CNTNAP3: variants seen among roughly 807,000 people sequenced by gnomAD.
CNTNAP3 encodes contactin-associated protein-like 3.
CNTNAP3 carries 36 observed loss-of-function variants against 92.1 expected under a neutral mutation model. The ratio of observed to expected loss-of-function variants is 0.39; its 90% CI spans 0.30 to 0.52. CNTNAP3 has a LOEUF of 0.52. Ranked by LOEUF, CNTNAP3 falls within the 20% of genes least tolerant of loss-of-function variation. The pLI is 0.76. For missense variants in CNTNAP3, 534 were observed against 1,069.6 expected, an observed-to-expected ratio of 0.50 and a Z score of 6.98; for synonymous variants, 232 against 422.3, an observed-to-expected ratio of 0.55 and a Z score of 5.53.
At chr9:39,088,232 C>T (rs544328472) in intron 19 of CNTNAP3, among the ~76,000 whole-genome samples, 191 bp downstream of exon 19, 1 of 149,972 alleles carries the variant, frequency 6.7e-6, no homozygotes, top group African/African-American at 2.4e-5. Context: ...GGGAGAAAAG[C>T]ATCTTAATTT....
At chr9:39,137,227 A>G (rs1266505560) in intron 12 of CNTNAP3, among the ~76,000 whole-genome samples, 2 of 151,152 alleles carry the variant, frequency 1.3e-5, no homozygotes, top group East Asian at 1.9e-4. Flanking sequence ...CAGTTTTGCA[A>G]GTTTCTATTG....
At chr9:39,100,375 G>T (rs575427150) in intron 17 of CNTNAP3, among the ~76,000 whole-genome samples, 1 of 152,256 alleles carries the variant, frequency 6.6e-6, no homozygotes, top group African/African-American at 2.4e-5. Context: ...GGTGAGTCTG[G>T]CAAATAGTCC....
At chr9:39,127,259 C>A (rs929608724) in intron 13 of CNTNAP3, among the ~76,000 whole-genome samples, 2 of 151,912 alleles carry the variant, frequency 1.3e-5, no homozygotes, top group African/African-American at 2.4e-5. Flanking sequence ...TACAACATAT[C>A]AAAATATGTG....
At position 39,068,886 on chromosome 9, in the gene CNTNAP3, T is replaced by C. The variant is rs1157915360; in HGVS notation, c.*5004A>G. 1.3e-5 allele frequency among the ~76,000 whole-genome samples: 2 copies of C among 152,414 alleles called. No homozygotes were observed. Among genetic ancestry groups the C allele is most frequent in the African/African-American group, 2.4e-5 (1 of 41,596 alleles). Reference sequence around the variant, plus strand: ...CTCATGTCCAGTGTACTGAAAACCATAGTTTCATATATTTTGTCTGGTTTG... The same window carrying C: ...CTCATGTCCAGTGTACTGAAAACCACAGTTTCATATATTTTGTCTGGTTTG... On this transcript the variant is annotated 3_prime_UTR_variant, in exon 24 of 24. Transcript: ENST00000297668.
intron 9 of CNTNAP3, among the ~76,000 whole-genome samples, chr9:39,151,958 T>G (rs1226003889): frequency 1.3e-5 from 2 of 150,418 alleles, no homozygotes; most frequent in Non-Finnish European, 3.0e-5. Context: ...TCTCCAAAGA[T>G]TATAGTAAAT....
chr9:39,168,249 C>A (rs1434461596), intron 8 of CNTNAP3, among the ~76,000 whole-genome samples: 12 of 149,814 alleles, frequency 8.0e-5, no homozygotes, highest in Admixed American at 8.0e-4. Context: ...AATCTCCTGA[C>A]CTCGTGATCT....
chr9:39,125,883 A>G (rs1285332414), intron 13 of CNTNAP3, among the ~76,000 whole-genome samples: 1 of 152,170 alleles, frequency 6.6e-6, no homozygotes, highest in Non-Finnish European at 1.5e-5. Context: ...CATTATTACC[A>G]CTGGAGACTT....
At chr9:39,205,022 C>G (rs1433502342) in intron 3 of CNTNAP3, among the ~76,000 whole-genome samples, 1 of 78,478 alleles carries the variant, frequency 1.3e-5, no homozygotes, top group Non-Finnish European at 2.1e-5. Flanking sequence ...TGTTTTTGAG[C>G]ACTTCCCACA....
intron 9 of CNTNAP3, among the ~76,000 whole-genome samples, chr9:39,162,107 A>G (rs1822088566): frequency 9.7e-6 from 1 of 102,782 alleles, no homozygotes; most frequent in South Asian, 3.2e-4. Context: ...ACAAAGGTCT[A>G]ATGTCTGGAA....
intron 22 of CNTNAP3, 107 bp from the exon 23 acceptor site, chr9:39,078,563 C>CA (rs768716108): frequency 6.4e-7 from 1 of 1,554,724 alleles, no homozygotes; most frequent in Non-Finnish European, 8.7e-7. Context: ...AAGAACATCA[C>CA]AAAAATGTAT....
rs564767279 is a variant in CNTNAP3 at position 39,135,985 on chromosome 9, C to T, written c.1877-2850G>A. On this transcript the variant is annotated intron_variant, in intron 12 of 23. Transcript: ENST00000297668. The stretch of plus-strand genomic sequence containing the variant: ...TCTACTAAAAATACAAAAAATTAGC[C>T]GGGCGTGGTGGCACGTGCCTGTAGT... Among the ~76,000 whole-genome samples, 51 of 151,806 alleles carry T rather than the reference C, an allele frequency of 3.4e-4. 1 individual carries two copies. The South Asian group carries it at 7.3e-3, about 22-fold the overall frequency.
intron 18 of CNTNAP3, among the ~76,000 whole-genome samples, chr9:39,093,788 T>C (rs1412180934): frequency 6.6e-6 from 1 of 151,714 alleles, no homozygotes; most frequent in East Asian, 1.9e-4. Flanking sequence ...ACTTGTATTA[T>C]TTCCACTATT....
At chr9:39,086,123 T>A (rs1192026684) in intron 20 of CNTNAP3, 1 of 481,760 alleles carries the variant, frequency 2.1e-6, no homozygotes, top group South Asian at 2.2e-5. Flanking sequence ...GAATTGGTTG[T>A]TTTAAACTTA....
At chr9:39,089,236 A>T (rs1283584869) in intron 18 of CNTNAP3, among the ~76,000 whole-genome samples, 1 of 152,128 alleles carries the variant, frequency 6.6e-6, no homozygotes, top group Non-Finnish European at 1.5e-5. Context: ...AGCCTAGGCA[A>T]CTACTAATTT....
chr9:39,100,976 C>G (rs567364819), intron 17 of CNTNAP3, among the ~76,000 whole-genome samples: 22 of 150,880 alleles, frequency 1.5e-4, no homozygotes, highest in Non-Finnish European at 3.1e-4. Flanking sequence ...TATCAATCAG[C>G]TTTGTGGGTG....
chr9:39,150,041 A>C (rs1231347295), intron 9 of CNTNAP3, 64 bp from the exon 10 acceptor site: 6 of 1,278,440 alleles, frequency 4.7e-6, no homozygotes, highest in Non-Finnish European at 6.4e-6. Context: ...CACAGTATTT[A>C]CTATATGAAG....
intron 13 of CNTNAP3, among the ~76,000 whole-genome samples, chr9:39,131,671 C>G (rs1349895030): frequency 6.6e-6 from 1 of 152,152 alleles, no homozygotes; most frequent in Non-Finnish European, 1.5e-5. Flanking sequence ...ACTAAAAATA[C>G]AAAAATTAGC....
chr9:39,081,961 C>T, intron 21 of CNTNAP3, among the ~76,000 whole-genome samples: 1 of 151,694 alleles, frequency 6.6e-6, no homozygotes, highest in Non-Finnish European at 1.5e-5. Context: ...GTGGTGGGTG[C>T]CTGTAGTCTC....
rs190162126 is a variant in CNTNAP3, at chr9:39,133,035, G to A, written c.1977C>T (p.Tyr659=). 5.2e-3 allele frequency: 8,023 copies of A among 1,547,346 alleles called. 39 individuals carry two copies. The highest frequency in any genetic ancestry group is 0.011 in the Middle Eastern group (48 of 4,468). The stretch of plus-strand genomic sequence containing the variant: ...ACCGCAGCTGCCCCGCGCCCGCTGC[G>A]TACGCGAAGGACACAGCCGAGCGCG... ...GHPRSAVSFA[Y]AAGAGQLRSA... Residue 659 remains tyrosine (Y), a synonymous_variant, in exon 13 of 24, where the codon TAC becomes TAT. Coordinates refer to ENST00000297668, the MANE Select transcript of CNTNAP3 (RefSeq NM_033655.5).
Sources: allele counts gnomAD v4.1 joint callset (sites outside exome capture counted in the v4.1 genomes callset), GRCh38; gene constraint gnomAD v4.1.1; transcripts MANE v1.5; gene names NCBI Gene and HGNC (gene_info 2026-07-23, HGNC 2026-07-21).